Variants in TREM1 observed in about 807,000 individuals in gnomAD.
The protein encoded by TREM1 is triggering receptor expressed on monocytes 1.
TREM1 carries 16 observed loss-of-function variants against 22.4 expected under a neutral mutation model. The observed-to-expected ratio is 0.71, with a 90% confidence interval of 0.48 to 1.08. TREM1 has a LOEUF of 1.08. TREM1 is among the 50% of genes least tolerant of loss of function. The probability of loss-of-function intolerance (pLI) is 0.00; values close to 1 mark genes in which losing one functional copy is unlikely to be tolerated. For missense variants in TREM1, 283 were observed against 282.9 expected (o/e 1.00, Z 0.00); for synonymous variants, 110 against 111.6 (o/e 0.99, Z 0.09).
downstream of TREM1, among the ~76,000 whole-genome samples, chr6:41,273,491 G>A (rs1182587246): frequency 6.6e-6 from 1 of 152,212 alleles, no homozygotes. Flanking sequence ...CACCCTGCAA[G>A]GATGCAGAGC....
At chr6:41,284,443 G>A (rs1374016887) in intron 1 of TREM1, among the ~76,000 whole-genome samples, 2 of 152,112 alleles carry the variant, frequency 1.3e-5, no homozygotes, top group Admixed American at 1.3e-4. Flanking sequence ...CCTTGTCCAA[G>A]GGAGCCTTGC....
downstream of TREM1, chr6:41,270,013 T>A (rs1337330228): frequency 2.0e-5 from 3 of 152,290 alleles, no homozygotes; most frequent in Non-Finnish European, 2.9e-5. Flanking sequence ...CGTGGGATAA[T>A]CCTCCAGCAG....
intron 3 of TREM1, chr6:41,268,212 A>G (rs1366066110): frequency 5.0e-6 from 2 of 396,574 alleles, no homozygotes; most frequent in African/African-American, 2.1e-5. Flanking sequence ...GACAAGAACA[A>G]TCTGTACGGG....
chr6:41,282,455 A>G lies in TREM1; in HGVS notation c.346T>C (p.Tyr116His), dbSNP rs759671928. Reference sequence around the variant, plus strand: ...ATGTGAGGCTCCTTGGGAGGCTGGTAGATCACACACTGATACAGTCCAGAA... The same window carrying G: ...ATGTGAGGCTCCTTGGGAGGCTGGTGGATCACACACTGATACAGTCCAGAA... ...EDSGLYQCVI[Y>H]QPPKEPHMLF... is the part of the protein sequence containing the mutation. The change falls in exon 2 of 4, where the codon TAC (tyrosine) becomes CAC (histidine). Residue 116 changes from tyrosine to histidine, a missense_variant. Transcript: ENST00000244709. The G allele has an allele frequency of 6.2e-7, 1 of 1,614,146 alleles. No homozygotes were observed. Among genetic ancestry groups the G allele is most frequent in the Non-Finnish European group, 8.5e-7 (1 of 1,180,024 alleles).
intron 2 of TREM1, 114 bp from the exon 3 acceptor site, chr6:41,281,267 G>A: frequency 8.2e-7 from 1 of 1,222,434 alleles, no homozygotes; most frequent in South Asian, 1.5e-5. Flanking sequence ...TTGATGGACG[G>A]GTAGGTGGTA....
chr6:41,280,787 T>G, intron 3 of TREM1, 174 bp downstream of exon 3: 1 of 1,468,774 alleles, frequency 6.8e-7, no homozygotes, highest in Non-Finnish European at 9.0e-7. Context: ...GCCTCCCCTA[T>G]TCTCCATCAC....
intron 3 of TREM1, 95 bp downstream of exon 3, chr6:41,280,866 C>T (rs1392467025): frequency 1.9e-6 from 3 of 1,588,618 alleles, no homozygotes; most frequent in East Asian, 2.3e-5. Flanking sequence ...GCCCCACCCT[C>T]CCCTTTCCCT....
In TREM1 at chr6:41,274,456, A is replaced by C. The variant is rs1767585112; in HGVS notation, c.*1669T>G. On this transcript the variant is annotated 3_prime_UTR_variant, in exon 4 of 4. Coordinates refer to ENST00000244709, the MANE Select transcript of TREM1 (RefSeq NM_018643.5). ...CTTCATAAACAGGAACAATGCTGGG[A>C]TTGCTAAAGTGTGGGGTTCCAGACC... Among the ~76,000 whole-genome samples, 1 of 152,136 alleles carries C rather than the reference A, an allele frequency of 6.6e-6. No individual in the cohort carries two copies. Among genetic ancestry groups the C allele is most frequent in the African/African-American group, 2.4e-5 (1 of 41,422 alleles).
intron 2 of TREM1, 142 bp downstream of exon 2, chr6:41,282,253 A>G: frequency 1.5e-6 from 1 of 679,640 alleles, no homozygotes; most frequent in Non-Finnish European, 2.6e-6. Context: ...TCTACTTACT[A>G]CTGGACCTTA....
intron 1 of TREM1, among the ~76,000 whole-genome samples, chr6:41,284,944 G>A (rs1768096342): frequency 6.6e-6 from 1 of 152,166 alleles, no homozygotes; most frequent in Admixed American, 6.5e-5. Context: ...TTGACCAGAG[G>A]CTGAGTGTTG....
chr6:41,280,034 A>G (rs1767841193), intron 3 of TREM1: 12 of 976,988 alleles, frequency 1.2e-5, no homozygotes, highest in Non-Finnish European at 1.5e-5. Context: ...CATTGAAATT[A>G]TATTTATGAA....
chr6:41,272,883 G>A (rs1417438706), downstream of TREM1, among the ~76,000 whole-genome samples: 1 of 152,174 alleles, frequency 6.6e-6, no homozygotes, highest in Non-Finnish European at 1.5e-5. Context: ...GTATAATGGA[G>A]GTGTGTCATC....
intron 1 of TREM1, among the ~76,000 whole-genome samples, chr6:41,285,897 C>T (rs1414449964): frequency 6.6e-6 from 1 of 152,210 alleles, no homozygotes; most frequent in Non-Finnish European, 1.5e-5. Flanking sequence ...CATGCCTTCC[C>T]AAGGCAAGCC....
chr6:41,280,402 T>C (rs1442173683), intron 3 of TREM1: 2 of 990,052 alleles, frequency 2.0e-6, no homozygotes, highest in African/African-American at 3.5e-5. Context: ...TATCTATAAT[T>C]GGGCACATGC....
chr6:41,282,231 T>C, intron 2 of TREM1, 164 bp downstream of exon 2: 1 of 613,502 alleles, frequency 1.6e-6, no homozygotes, highest in Non-Finnish European at 2.9e-6. Context: ...GAGAATCTCA[T>C]GCATGGAAGG....
At chr6:41,279,593 C>A (rs1212474531) in intron 3 of TREM1, 2 of 985,164 alleles carry the variant, frequency 2.0e-6, no homozygotes, top group African/African-American at 3.5e-5. Context: ...GTTCCCCAAA[C>A]AACATAATGG....
At chr6:41,285,984 C>T (rs1768150332) in intron 1 of TREM1, among the ~76,000 whole-genome samples, 1 of 152,202 alleles carries the variant, frequency 6.6e-6, no homozygotes, top group African/African-American at 2.4e-5. Flanking sequence ...AGCCCGCATG[C>T]TTCTGGTTTG....
chr6:41,272,893 C>A (rs1379881061), downstream of TREM1, among the ~76,000 whole-genome samples: 1 of 152,192 alleles, frequency 6.6e-6, no homozygotes, highest in East Asian at 1.9e-4. Context: ...GGTGTGTCAT[C>A]TTTTGACTCT....
rs1436919911 is a variant in TREM1 at position 41,274,373 on chromosome 6, C to G, written c.*1752G>C. On this transcript the variant is annotated 3_prime_UTR_variant, in exon 4 of 4. Coordinates refer to ENST00000244709, the MANE Select transcript of TREM1 (RefSeq NM_018643.5). ...CTGAAAAACATTGCCCTCATGTGTT[C>G]TGCCTCTCCTAGAGTGTATTTAATG... Among the ~76,000 whole-genome samples, 2 of 152,166 alleles carry G rather than the reference C, an allele frequency of 1.3e-5. No homozygotes were observed. The highest frequency in any genetic ancestry group is 2.9e-5 in the Non-Finnish European group (2 of 68,030).
Sources: gnomAD v4.1 joint callset for allele counts (sites outside exome capture counted in the v4.1 genomes callset) on GRCh38, gnomAD v4.1.1 for gene constraint, MANE v1.5 for transcripts, NCBI Gene and HGNC (gene_info 2026-07-23, HGNC 2026-07-21) for gene names.